TSPAN2: variants seen among roughly 807,000 people sequenced by gnomAD.
TSPAN2 encodes the protein tetraspanin-2.
In TSPAN2, 24 loss-of-function variants were observed where a neutral mutation model predicts 33.3. That is an observed-to-expected ratio of 0.72 (90% CI 0.52 to 1.01). The LOEUF is 1.01. Among genes scored for constraint, TSPAN2 ranks in the 50% least tolerant of loss-of-function variants. TSPAN2 has a pLI of 0.00. For missense variants in TSPAN2, 278 were observed against 281.3 expected (o/e 0.99, Z 0.08); for synonymous variants, 114 against 104.5 (o/e 1.09, Z -0.56).
At chr1:115,083,226 A>G (rs554046693) in intron 1 of TSPAN2, among the ~76,000 whole-genome samples, 1 of 152,154 alleles carries the variant, frequency 6.6e-6, no homozygotes, top group Non-Finnish European at 1.5e-5. Flanking sequence ...CGCGATATTA[A>G]CTGTCAAGGT....
At chr1:115,051,667 A>C (rs182330306) in intron 7 of TSPAN2, among the ~76,000 whole-genome samples, 1 of 152,272 alleles carries the variant, frequency 6.6e-6, no homozygotes, top group East Asian at 1.9e-4. Flanking sequence ...ATTCCATCCT[A>C]AGTCAGACTA....
At chr1:115,073,503 A>G (rs1648271764) in intron 1 of TSPAN2, among the ~76,000 whole-genome samples, 1 of 144,418 alleles carries the variant, frequency 6.9e-6, no homozygotes, top group African/African-American at 2.5e-5. Context: ...AAATACAGCA[A>G]CCTCAACCTC....
intron 7 of TSPAN2, among the ~76,000 whole-genome samples, chr1:115,052,379 A>G (rs1217481016): frequency 6.6e-6 from 1 of 152,212 alleles, no homozygotes; most frequent in African/African-American, 2.4e-5. Flanking sequence ...ACTAAGTGCC[A>G]TCTTAGCATT....
intron 1 of TSPAN2, among the ~76,000 whole-genome samples, chr1:115,082,907 G>C (rs774360901): frequency 3.3e-5 from 5 of 152,224 alleles, no homozygotes; most frequent in Non-Finnish European, 5.9e-5. Flanking sequence ...CTGACTTTCA[G>C]CTTTCACAAC....
chr1:115,081,701 T>C (rs950319768), intron 1 of TSPAN2, among the ~76,000 whole-genome samples: 1 of 152,182 alleles, frequency 6.6e-6, no homozygotes, highest in Non-Finnish European at 1.5e-5. Flanking sequence ...ACTAAATGAG[T>C]TCATGTTACA....
intron 1 of TSPAN2, among the ~76,000 whole-genome samples, chr1:115,083,836 A>T (rs944244580): frequency 2.0e-5 from 3 of 152,204 alleles, no homozygotes; most frequent in Non-Finnish European, 4.4e-5. Flanking sequence ...AGGGATTGGG[A>T]GAAAGGGGAT....
chr1:115,052,908 A>G (rs567848188), intron 7 of TSPAN2, among the ~76,000 whole-genome samples: 1 of 152,360 alleles, frequency 6.6e-6, no homozygotes, highest in South Asian at 2.1e-4. Flanking sequence ...AGAAAAATTA[A>G]GAAATTTTCC....
chr1:115,071,652 T>G (rs1648179314), intron 2 of TSPAN2, among the ~76,000 whole-genome samples: 1 of 152,246 alleles, frequency 6.6e-6, no homozygotes, highest in Non-Finnish European at 1.5e-5. Context: ...CCTTTCTTAA[T>G]GGAACCTAAA....
chr1:115,065,555 A>G (rs780569509), intron 2 of TSPAN2, among the ~76,000 whole-genome samples: 1 of 152,228 alleles, frequency 6.6e-6, no homozygotes, highest in Non-Finnish European at 1.5e-5. Context: ...TGCTACCACA[A>G]GTACTTTCCC....
At chr1:115,073,793 G>A (rs79643032) in intron 1 of TSPAN2, among the ~76,000 whole-genome samples, 120 of 152,140 alleles carry the variant, frequency 7.9e-4, no homozygotes, top group South Asian at 4.6e-3. Flanking sequence ...GCAGGCTGGC[G>A]GCTGGTAGAG....
Position 115,058,810 on chromosome 1 carries a change from G to T in TSPAN2, c.444+73C>A, listed in dbSNP as rs958591652. The T allele has an allele frequency of 4.8e-6, 6 of 1,244,712 alleles. No homozygotes were observed. The African/African-American group carries it at 7.5e-5, about 16-fold the overall frequency. 77.1% of individuals were successfully genotyped at this position (1,244,712 alleles called of 1,614,324 possible). ...GAATTTATTTTTATTTTTAATCCTG[G>T]TGATTGGTGAGAACCTGGCTCACAC... is the stretch of plus-strand genomic sequence containing the variant. On this transcript the variant is annotated intron_variant, in intron 5 of 7. Transcript: ENST00000369516.
At chr1:115,053,295 TA>T in intron 7 of TSPAN2, 83 bp downstream of exon 7, 4 of 1,197,616 alleles carry the variant, frequency 3.3e-6, no homozygotes, top group Non-Finnish European at 3.7e-6. Context: ...TCTCTTAAGA[TA>T]CTATCACACT....
chr1:115,059,539 C>T (rs555919038), intron 4 of TSPAN2, among the ~76,000 whole-genome samples: 5 of 152,156 alleles, frequency 3.3e-5, no homozygotes, highest in Non-Finnish European at 7.3e-5. Context: ...TTCCTGTTAC[C>T]CCATTGGTTA....
At chr1:115,085,259 G>A (rs1325430711) in intron 1 of TSPAN2, among the ~76,000 whole-genome samples, 1 of 152,208 alleles carries the variant, frequency 6.6e-6, no homozygotes, top group Non-Finnish European at 1.5e-5. Context: ...TAATGTAGTG[G>A]GGTTAATGGC....
chr1:115,085,853 A>G (rs1648812641), intron 1 of TSPAN2, among the ~76,000 whole-genome samples: 2 of 152,126 alleles, frequency 1.3e-5, no homozygotes, highest in Admixed American at 6.5e-5. Flanking sequence ...GGGGAGAGGA[A>G]GGTCCTTCAT....
At chr1:115,087,002 C>T (rs1306000855) in intron 1 of TSPAN2, among the ~76,000 whole-genome samples, 1 of 152,086 alleles carries the variant, frequency 6.6e-6, no homozygotes, top group African/African-American at 2.4e-5. Context: ...TCACTGCAAC[C>T]TCTGCCTCCC....
At chr1:115,089,320 C>CCCCGCCCCCAGCCCAGA in intron 1 of TSPAN2, 44 bp downstream of exon 1, 1 of 1,496,580 alleles carries the variant, frequency 6.7e-7, no homozygotes, top group Non-Finnish European at 9.0e-7. Flanking sequence ...GCGCCCGCCA[C>CCCCGCCCCCAGCCCAGA]CCGGCCCCCT....
chr1:115,082,390 T>C (rs1413138529), intron 1 of TSPAN2, among the ~76,000 whole-genome samples: 3 of 152,188 alleles, frequency 2.0e-5, no homozygotes, highest in Non-Finnish European at 4.4e-5. Context: ...CTCTCAAGTC[T>C]CTTCAATGCT....
intron 2 of TSPAN2, among the ~76,000 whole-genome samples, chr1:115,069,804 A>C (rs1379636984): frequency 6.6e-6 from 1 of 152,200 alleles, no homozygotes; most frequent in Non-Finnish European, 1.5e-5. Flanking sequence ...TGTTTGGTTT[A>C]GATTAGAAAC....
Sources: gnomAD v4.1 joint callset for allele counts (sites outside exome capture counted in the v4.1 genomes callset) on GRCh38, gnomAD v4.1.1 for gene constraint, MANE v1.5 for transcripts, NCBI Gene and HGNC (gene_info 2026-07-23, HGNC 2026-07-21) for gene names.